Variants in ARHGEF28 observed in about 807,000 individuals in gnomAD.
ARHGEF28 encodes the protein 190 kDa guanine nucleotide exchange factor.
A neutral mutation model predicts 206.6 loss-of-function variants in ARHGEF28; 152 were observed. The ratio of observed to expected loss-of-function variants is 0.74; its 90% CI spans 0.64 to 0.84. The LOEUF (loss-of-function observed/expected upper bound fraction) is 0.84. Among genes scored for constraint, ARHGEF28 ranks in the 40% least tolerant of loss-of-function variants. ARHGEF28 has a pLI of 0.00. For synonymous variants in ARHGEF28, 763 were observed against 776.4 expected (o/e 0.98, Z 0.29); for missense variants, 2,028 against 2,073.2 (o/e 0.98, Z 0.42).
At chr5:73,937,482 G>C (rs570390344) in intron 35 of ARHGEF28, among the ~76,000 whole-genome samples, 1 of 152,188 alleles carries the variant, frequency 6.6e-6, no homozygotes. Context: ...CAGAGATAAT[G>C]TTAGGGATCA....
intron 24 of ARHGEF28, among the ~76,000 whole-genome samples, chr5:73,884,225 C>G (rs566003085): frequency 6.6e-6 from 1 of 152,270 alleles, no homozygotes; most frequent in East Asian, 1.9e-4. Flanking sequence ...ATGAAACATG[C>G]TATTGATCCT....
intron 5 of ARHGEF28, 21 bp from the exon 6 acceptor site, chr5:73,776,495 T>C: frequency 6.3e-7 from 1 of 1,598,312 alleles, no homozygotes; most frequent in Non-Finnish European, 8.5e-7. Context: ...TCTGTGTGGG[T>C]TTTGATTTGT....
At chr5:73,869,769 G>A (rs889431632) in intron 20 of ARHGEF28, among the ~76,000 whole-genome samples, 1 of 152,122 alleles carries the variant, frequency 6.6e-6, no homozygotes, top group Non-Finnish European at 1.5e-5. Flanking sequence ...TAAGCTAGGT[G>A]TGGTGGCACA....
chr5:73,752,893 C>A lies in ARHGEF28; in HGVS notation c.182-16C>A, dbSNP rs768851845. On this transcript the variant is annotated splice_polypyrimidine_tract_variant and intron_variant, in intron 3 of 35. Transcript: ENST00000513042. ...CTACAGACTTGGGGTGAACTGTTCA[C>A]TGTCTTGTTGTCCAGGCCATGGGCT... is the stretch of plus-strand genomic sequence containing the variant. 2.5e-6 allele frequency: 4 copies of A among 1,613,278 alleles called. No individual in the cohort carries two copies. Among genetic ancestry groups the A allele is most frequent in the Non-Finnish European group, 3.4e-6 (4 of 1,179,652 alleles).
chr5:73,837,586 G>C (rs1757723861), intron 10 of ARHGEF28, among the ~76,000 whole-genome samples: 1 of 151,228 alleles, frequency 6.6e-6, no homozygotes, highest in African/African-American at 2.4e-5. Flanking sequence ...TATTATGTGG[G>C]GAAAACTATA....
At chr5:73,659,387 G>A (rs1216727273) in intron 1 of ARHGEF28, among the ~76,000 whole-genome samples, 1 of 152,122 alleles carries the variant, frequency 6.6e-6, no homozygotes, top group Admixed American at 6.5e-5. Context: ...AAAATTAGCT[G>A]GGCATGGTGG....
chr5:73,838,045 T>C (rs536267998), intron 10 of ARHGEF28, among the ~76,000 whole-genome samples: 35 of 152,290 alleles, frequency 2.3e-4, no homozygotes, highest in African/African-American at 7.9e-4. Context: ...GGCCAAGATA[T>C]AATTTTTATT....
In ARHGEF28 at chr5:73,719,342, C is replaced by T. The variant is rs35941431; in HGVS notation, c.34-30495C>T. Among the ~76,000 whole-genome samples, 619 of 149,322 alleles carry T rather than the reference C, an allele frequency of 4.1e-3. 3 individuals carry two copies. Among genetic ancestry groups the T allele is most frequent in the Non-Finnish European group, 7.7e-3 (520 of 67,672 alleles). On this transcript the variant is annotated intron_variant, in intron 2 of 35. Coordinates refer to ENST00000513042, the MANE Select transcript of ARHGEF28 (RefSeq NM_001177693.2). ...AGGAGAATGGCGTGAACCCGGGAGG[C>T]GGAGCTTGCAGTGAGCCGAGATCAC...
intron 1 of ARHGEF28, among the ~76,000 whole-genome samples, chr5:73,643,660 C>T (rs1004039854): frequency 6.6e-6 from 1 of 151,818 alleles, no homozygotes; most frequent in East Asian, 1.9e-4. Context: ...ACAAAAAATG[C>T]AAAAATCAAC....
At chr5:73,842,316 G>A (rs925491510) in intron 11 of ARHGEF28, among the ~76,000 whole-genome samples, 1 of 152,150 alleles carries the variant, frequency 6.6e-6, no homozygotes, top group Non-Finnish European at 1.5e-5. Context: ...CATGCACATA[G>A]GTGAATGAGT....
intron 9 of ARHGEF28, among the ~76,000 whole-genome samples, chr5:73,796,684 C>G (rs1261950172): frequency 1.3e-5 from 2 of 152,192 alleles, no homozygotes; most frequent in African/African-American, 4.8e-5. Context: ...GAAATTGGAA[C>G]AGAAATTTAG....
At chr5:73,788,226 A>G (rs981693836) in intron 7 of ARHGEF28, among the ~76,000 whole-genome samples, 7 of 152,238 alleles carry the variant, frequency 4.6e-5, no homozygotes, top group Non-Finnish European at 8.8e-5. Context: ...GTTAAAGTAG[A>G]ATCTAAGTTT....
At chr5:73,655,973 T>A (rs997722228) in intron 1 of ARHGEF28, among the ~76,000 whole-genome samples, 7 of 152,198 alleles carry the variant, frequency 4.6e-5, no homozygotes, top group African/African-American at 1.4e-4. Flanking sequence ...AGGAACCAGA[T>A]GGTCAACATG....
intron 1 of ARHGEF28, among the ~76,000 whole-genome samples, chr5:73,681,263 C>T (rs936974717): frequency 3.3e-5 from 5 of 152,078 alleles, no homozygotes; most frequent in African/African-American, 1.2e-4. Flanking sequence ...TCTTGAAGTG[C>T]AGCAGACATT....
At chr5:73,873,319 C>T (rs973895684) in intron 22 of ARHGEF28, 73 bp downstream of exon 22, 2 of 1,479,190 alleles carry the variant, frequency 1.4e-6, no homozygotes, top group South Asian at 1.4e-5. Flanking sequence ...CTTTCATCAA[C>T]AAGAGTAAAA....
chr5:73,848,195 A>G (rs1325833484), intron 12 of ARHGEF28, among the ~76,000 whole-genome samples: 2 of 152,196 alleles, frequency 1.3e-5, no homozygotes, highest in Admixed American at 6.5e-5. Flanking sequence ...GTGGAGTTCT[A>G]TTGCATATTC....
chr5:73,936,562 A>G (rs1012124554), intron 35 of ARHGEF28, among the ~76,000 whole-genome samples: 3 of 152,206 alleles, frequency 2.0e-5, no homozygotes, highest in African/African-American at 7.2e-5. Flanking sequence ...AATTTCACAC[A>G]TAACATGAGA....
At chr5:73,830,413 G>A (rs540327090) in intron 9 of ARHGEF28, among the ~76,000 whole-genome samples, 1 of 152,010 alleles carries the variant, frequency 6.6e-6, no homozygotes, top group Non-Finnish European at 1.5e-5. Flanking sequence ...AATTAACTGG[G>A]TGTGGTGGCG....
intron 26 of ARHGEF28, among the ~76,000 whole-genome samples, chr5:73,891,345 C>A (rs958165887): frequency 6.6e-6 from 1 of 152,072 alleles, no homozygotes; most frequent in African/African-American, 2.4e-5. Context: ...GTTCCGTCAC[C>A]TTATTGAAAG....
Sources: allele counts gnomAD v4.1 joint callset (sites outside exome capture counted in the v4.1 genomes callset), GRCh38; gene constraint gnomAD v4.1.1; transcripts MANE v1.5; gene names NCBI Gene and HGNC (gene_info 2026-07-23, HGNC 2026-07-21).